The following GRIN1 variants were observed in gnomAD, a reference collection of about 807,000 sequenced individuals.
The protein encoded by GRIN1 is glutamate ionotropic receptor NMDA type subunit 1.
A neutral mutation model predicts 103.0 loss-of-function variants in GRIN1; 38 were observed. The ratio of observed to expected loss-of-function variants is 0.37; its 90% CI spans 0.28 to 0.48. The LOEUF (loss-of-function observed/expected upper bound fraction) is 0.48. GRIN1 is among the 20% of genes least tolerant of loss of function. The probability of loss-of-function intolerance (pLI) is 0.98; values close to 1 mark genes in which losing one functional copy is unlikely to be tolerated. For synonymous variants in GRIN1, 544 were observed against 532.7 expected (o/e 1.02, Z -0.29); for missense variants, 577 against 1,288.9 (o/e 0.45, Z 8.46).
chr9:137,149,396 T>C (rs1832716075), intron 4 of GRIN1, among the ~76,000 whole-genome samples: 1 of 152,192 alleles, frequency 6.6e-6, no homozygotes, highest in African/African-American at 2.4e-5. Context: ...GAAGAGACCC[T>C]GCCCTTGGGA....
chr9:137,164,099 C>A (rs1833723985), intron 18 of GRIN1, 195 bp downstream of exon 18: 5 of 701,668 alleles, frequency 7.1e-6, no homozygotes, highest in Non-Finnish European at 1.2e-5. Context: ...CAGGTGGCTG[C>A]CCACTGCAAA....
chr9:137,166,701 G>A (rs948604854), intron 19 of GRIN1, among the ~76,000 whole-genome samples: 1 of 152,386 alleles, frequency 6.6e-6, no homozygotes, highest in African/African-American at 2.4e-5. Flanking sequence ...TGTAGGCCTG[G>A]GGGCCACTGG....
intron 18 of GRIN1, chr9:137,164,872 G>C (rs1180301380): frequency 2.2e-5 from 9 of 408,374 alleles, no homozygotes; most frequent in Non-Finnish European, 3.7e-5. Flanking sequence ...GTCCTCAGAG[G>C]ACTCCTCCTC....
chr9:137,164,311 C>G (rs970117436), intron 18 of GRIN1: 6 of 319,666 alleles, frequency 1.9e-5, no homozygotes, highest in Non-Finnish European at 3.1e-5. Context: ...GAGACCCCCC[C>G]CTTTCCTGCT....
rs934918882 is a variant in GRIN1 at position 137,163,443 on chromosome 9, G to C, written c.2333+113G>C. On this transcript the variant is annotated intron_variant, in intron 16 of 19. Coordinates refer to ENST00000371561, the MANE Select transcript of GRIN1 (RefSeq NM_007327.4). ...CACTGATTTCCCACCCAGGCCGGGC[G>C]CTGCCCACTCCACGCCGCACCCTAC... is the stretch of plus-strand genomic sequence containing the variant. The C allele has an allele frequency of 2.5e-5, 36 of 1,445,408 alleles. No homozygotes were observed. The Admixed American group carries it at 3.8e-4, about 15-fold the overall frequency. 89.5% of individuals were successfully genotyped at this position (1,445,408 alleles called of 1,614,324 possible).
chr9:137,163,877 C>G lies in GRIN1; in HGVS notation c.2562C>G (p.Ala854=). Residue 854 remains alanine, a synonymous_variant, in exon 18 of 20, where the codon GCC becomes GCG. Coordinates refer to ENST00000371561, the MANE Select transcript of GRIN1 (RefSeq NM_007327.4). The part of the protein sequence containing the change: ...RRKQMQLAFA[A]VNVWRKNLQD... The stretch of plus-strand genomic sequence containing the variant: ...AGCAGATGCAGCTGGCCTTTGCCGC[C>G]GTTAACGTGTGGCGGAAGAACCTGC... 2 of 1,612,962 alleles carry G rather than the reference C, an allele frequency of 1.2e-6. No homozygotes were observed. The highest frequency in any genetic ancestry group is 1.7e-6 in the Non-Finnish European group (2 of 1,179,922).
intron 2 of GRIN1, among the ~76,000 whole-genome samples, chr9:137,144,416 A>G (rs952372871): frequency 1.1e-4 from 16 of 151,456 alleles, no homozygotes; most frequent in Admixed American, 5.9e-4. Context: ...GCACTTTGGG[A>G]GGCCGAGGCG....
intron 4 of GRIN1, 48 bp downstream of exon 4, chr9:137,149,157 G>A: frequency 8.0e-7 from 1 of 1,243,872 alleles, no homozygotes; most frequent in Non-Finnish European, 1.2e-6. Flanking sequence ...TGGTACCTGA[G>A]CCAAGTACCC....
chr9:137,151,960 G>A (rs1832942389), intron 4 of GRIN1, among the ~76,000 whole-genome samples: 1 of 132,042 alleles, frequency 7.6e-6, no homozygotes, highest in African/African-American at 2.8e-5. Context: ...AGGCTGGAGT[G>A]CAGTGGCTCG....
chr9:137,161,645 T>TCGGAGGGGGGGGGGCA (rs1564362404), intron 10 of GRIN1, among the ~76,000 whole-genome samples: 1 of 55,502 alleles, frequency 1.8e-5, no homozygotes, highest in Non-Finnish European at 3.2e-5. Flanking sequence ...GACGTGGGGG[T>TCGGAGGGGGGGGGGCA]CGGAGTGGGT....
rs763650810 is a variant in GRIN1, at chr9:137,156,742, G to C, written c.745G>C (p.Val249Leu). 1 of 1,586,720 alleles carries C rather than the reference G, an allele frequency of 6.3e-7. No individual in the cohort carries two copies. Among genetic ancestry groups the C allele is most frequent in the Non-Finnish European group, 8.6e-7 (1 of 1,167,944 alleles). Residue 249 changes from valine (V) to leucine (L), a missense_variant, in exon 5 of 20, where the codon GTC becomes CTC. This residue lies in a region of GRIN1 where 308 missense variants were observed against 553.6 expected (regional missense o/e 0.56). Transcript: ENST00000371561. The part of the protein sequence containing the change: ...NMTGSGYVWL[V>L]GEREISGNAL... The stretch of plus-strand genomic sequence containing the variant: ...GACGGGCTCCGGGTACGTGTGGCTG[G>C]TCGGCGAGCGCGAGATCTCGGGGAA...
At chr9:137,153,196 G>C (rs1036230517) in intron 4 of GRIN1, among the ~76,000 whole-genome samples, 2 of 149,688 alleles carry the variant, frequency 1.3e-5, no homozygotes, top group Non-Finnish European at 1.5e-5. Context: ...ATCATGTACA[G>C]GTCACACACA....
At chr9:137,162,120 G>GT in intron 11 of GRIN1, 32 bp downstream of exon 11, 1 of 1,525,874 alleles carries the variant, frequency 6.6e-7, no homozygotes, top group Non-Finnish European at 8.9e-7. Flanking sequence ...GGGTGGCGGC[G>GT]GGGGGAGTCC....
Position 137,168,230 on chromosome 9 carries a change from T to G in GRIN1, c.*703T>G, listed in dbSNP as rs1043081900. 1.7e-5 allele frequency: 5 copies of G among 301,288 alleles called. No individual in the cohort carries two copies. Among genetic ancestry groups the G allele is most frequent in the Non-Finnish European group, 3.1e-5 (5 of 160,140 alleles). 18.7% of individuals were successfully genotyped at this position (301,288 alleles called of 1,614,324 possible). ...GGGCCCATGGCCCCAGCTGGCTGGG[T>G]CGCCCCTCCTCGGGCGCCTGCGCTC... On this transcript the variant is annotated 3_prime_UTR_variant, in exon 20 of 20. Coordinates refer to ENST00000371561, the MANE Select transcript of GRIN1 (RefSeq NM_007327.4).
intron 6 of GRIN1, among the ~76,000 whole-genome samples, chr9:137,157,682 C>T (rs1385607204): frequency 6.6e-6 from 1 of 152,244 alleles, no homozygotes; most frequent in African/African-American, 2.4e-5. Flanking sequence ...AGTTAGCTCA[C>T]AGCACGCCTG....
At position 137,139,924 on chromosome 9, in the gene GRIN1, TCCCC is replaced by T. The variant is rs1832074620; in HGVS notation, c.258+181_258+184del. Among the ~76,000 whole-genome samples, 1 of 152,160 alleles carries T rather than the reference TCCCC, an allele frequency of 6.6e-6. No individual in the cohort carries two copies. Among genetic ancestry groups the T allele is most frequent in the African/African-American group, 2.4e-5 (1 of 41,430 alleles). On this transcript the variant is annotated intron_variant, in intron 1 of 19. Coordinates refer to ENST00000371561, the MANE Select transcript of GRIN1 (RefSeq NM_007327.4). The surrounding 1 kb of genome is among the most constrained non-coding windows in gnomAD (Gnocchi z 7.7). ...GAACCAAACACCAGGGTCTGCTGGC[TCCCC>T]TATCTTGGCCTGAGACCAGTCACCT...
intron 4 of GRIN1, 141 bp downstream of exon 4, chr9:137,149,250 A>C (rs1588701250): frequency 2.4e-5 from 16 of 680,602 alleles, no homozygotes; most frequent in African/African-American, 7.6e-5. Flanking sequence ...AGCCACCCCC[A>C]CCCCCACCCG....
intron 4 of GRIN1, among the ~76,000 whole-genome samples, chr9:137,155,156 T>C (rs982253301): frequency 1.3e-5 from 2 of 152,278 alleles, no homozygotes; most frequent in African/African-American, 4.8e-5. Flanking sequence ...ATCAGGCTTT[T>C]GTTTACAACT....
In GRIN1 at chr9:137,161,052, C is replaced by G. The variant is rs200398875; in HGVS notation, c.1198-4C>G. The G allele has an allele frequency of 2.5e-6, 4 of 1,612,770 alleles. No individual in the cohort carries two copies. The highest frequency in any genetic ancestry group is 3.4e-6 in the Non-Finnish European group (4 of 1,179,848). Reference sequence around the variant, plus strand: ...TCCAGGCTGGGTCTCCCCTTCCCCCCCAGATTGTGACGATCCACCAGGAGC... The same window carrying G: ...TCCAGGCTGGGTCTCCCCTTCCCCCGCAGATTGTGACGATCCACCAGGAGC... On this transcript the variant is annotated splice_region_variant and splice_polypyrimidine_tract_variant and intron_variant, in intron 8 of 19. Coordinates refer to ENST00000371561, the MANE Select transcript of GRIN1 (RefSeq NM_007327.4).
Sources: allele counts gnomAD v4.1 joint callset (sites outside exome capture counted in the v4.1 genomes callset), GRCh38; gene constraint gnomAD v4.1.1; regional missense constraint gnomAD v4.1.1; non-coding constraint Gnocchi (gnomAD v3.1); transcripts MANE v1.5; gene names NCBI Gene and HGNC (gene_info 2026-07-23, HGNC 2026-07-21).